The following TRDN variants were observed in gnomAD, a reference collection of about 807,000 sequenced individuals.
The protein encoded by TRDN is triadin in skeletal muscle.
TRDN carries 161 observed loss-of-function variants against 149.7 expected under a neutral mutation model. The observed-to-expected ratio is 1.08, with a 90% CI of 0.95 to 1.23. TRDN has a LOEUF of 1.23. Among genes scored for constraint, TRDN ranks in the 50% most tolerant of loss-of-function variants. The pLI, the probability that TRDN is intolerant of heterozygous loss-of-function variation, is 0.00. For missense variants in TRDN, 896 were observed against 823.5 expected (o/e 1.09, Z -1.08); for synonymous variants, 294 against 250.5 (o/e 1.17, Z -1.64).
intron 12 of TRDN, among the ~76,000 whole-genome samples, chr6:123,402,808 G>A (rs966423241): frequency 2.6e-5 from 4 of 152,122 alleles, no homozygotes; most frequent in African/African-American, 9.7e-5. Context: ...ATATTTAAAA[G>A]AAGAATCTAA....
intron 12 of TRDN, among the ~76,000 whole-genome samples, chr6:123,430,205 G>A (rs1774275116): frequency 6.6e-6 from 1 of 151,796 alleles, no homozygotes; most frequent in South Asian, 2.1e-4. Flanking sequence ...AGGAGGTTGA[G>A]GCAGCAGTGA....
At chr6:123,426,280 G>A (rs1329952518) in intron 12 of TRDN, among the ~76,000 whole-genome samples, 1 of 152,134 alleles carries the variant, frequency 6.6e-6, no homozygotes, top group African/African-American at 2.4e-5. Flanking sequence ...GGGTAAAAAG[G>A]TAAAGGAGTT....
chr6:123,626,086 A>G (rs990761161), intron 1 of TRDN, among the ~76,000 whole-genome samples: 1 of 152,190 alleles, frequency 6.6e-6, no homozygotes, highest in African/African-American at 2.4e-5. Context: ...TCTATGTTAT[A>G]TTCTAAATCC....
intron 6 of TRDN, among the ~76,000 whole-genome samples, chr6:123,514,731 T>C (rs9490794): frequency 0.83 from 126,380 of 151,998 alleles, 52,755 homozygotes; most frequent in East Asian, 0.88. Flanking sequence ...CTAAAAACCA[T>C]ATTTGAATCT....
intron 11 of TRDN, 39 bp from the exon 12 acceptor site, chr6:123,438,161 T>G: frequency 6.8e-7 from 1 of 1,464,868 alleles, no homozygotes; most frequent in Non-Finnish European, 9.2e-7. Flanking sequence ...CTTTACCTGT[T>G]TAACTTGCAA....
chr6:123,395,959 C>T (rs1772708701), intron 12 of TRDN, among the ~76,000 whole-genome samples: 1 of 152,178 alleles, frequency 6.6e-6, no homozygotes, highest in Non-Finnish European at 1.5e-5. Flanking sequence ...AACCAAATGC[C>T]TTTTCAGTAA....
intron 10 of TRDN, among the ~76,000 whole-genome samples, chr6:123,441,625 A>G (rs1386920564): frequency 6.6e-6 from 1 of 152,204 alleles, no homozygotes; most frequent in East Asian, 1.9e-4. Flanking sequence ...ACATCAGATG[A>G]AAGAAAAATT....
intron 24 of TRDN, among the ~76,000 whole-genome samples, chr6:123,298,403 C>A (rs1298717723): frequency 2.6e-5 from 4 of 152,026 alleles, no homozygotes; most frequent in African/African-American, 9.7e-5. Context: ...ACTCAGCTCA[C>A]TCTTCATCTT....
At chr6:123,401,127 T>C (rs2114484725) in intron 12 of TRDN, among the ~76,000 whole-genome samples, 1 of 152,330 alleles carries the variant, frequency 6.6e-6, no homozygotes, top group East Asian at 1.9e-4. Context: ...CTCACAAAAT[T>C]ACGCAGACTT....
At chr6:123,253,564 C>T (rs1333103209) in intron 37 of TRDN, among the ~76,000 whole-genome samples, 1 of 151,974 alleles carries the variant, frequency 6.6e-6, no homozygotes, top group Non-Finnish European at 1.5e-5. Context: ...TTTAAAAATA[C>T]TAGCATTGGT....
intron 13 of TRDN, 99 bp from the exon 14 acceptor site, chr6:123,388,650 G>C (rs1781995140): frequency 7.4e-7 from 1 of 1,355,928 alleles, no homozygotes; most frequent in Non-Finnish European, 1.0e-6. Flanking sequence ...TAAATTCAGT[G>C]GTCACCTATA....
chr6:123,504,746 A>G (rs904819754), intron 7 of TRDN, among the ~76,000 whole-genome samples: 1 of 152,206 alleles, frequency 6.6e-6, no homozygotes, highest in Non-Finnish European at 1.5e-5. Flanking sequence ...TAGTCTGTGG[A>G]TCATTCAAGC....
chr6:123,523,467 A>G (rs192431584), intron 5 of TRDN, among the ~76,000 whole-genome samples: 91 of 152,264 alleles, frequency 6.0e-4, no homozygotes, highest in Admixed American at 2.7e-3. Flanking sequence ...CAGTGATCAT[A>G]TGCCAGGTTG....
chr6:123,381,500 C>G, intron 15 of TRDN, 110 bp from the exon 16 acceptor site: 1 of 1,010,122 alleles, frequency 9.9e-7, no homozygotes, highest in South Asian at 1.5e-5. Context: ...CCAATTTTCT[C>G]TCCTTAAATT....
In TRDN at chr6:123,438,139, A is replaced by C. The variant is rs189142809; in HGVS notation, c.992-17T>G. 5.4e-5 allele frequency: 84 copies of C among 1,563,842 alleles called. No homozygotes were observed. In the African/African-American group the frequency reaches 8.7e-4, roughly 16 times the overall value. On this transcript the variant is annotated splice_polypyrimidine_tract_variant and intron_variant, in intron 11 of 40. Transcript: ENST00000334268. ...CTTCTTTTTCTGCTGGTAAAATAAG[A>C]AAGTTATAAGCCTTTACCTGTTTAA...
At chr6:123,558,340 C>T (rs550662413) in intron 2 of TRDN, among the ~76,000 whole-genome samples, 9 of 152,092 alleles carry the variant, frequency 5.9e-5, no homozygotes, top group Non-Finnish European at 1.3e-4. Context: ...AGCCTCCACT[C>T]CCGCACCCTA....
At chr6:123,418,280 A>G (rs1773739442) in intron 12 of TRDN, among the ~76,000 whole-genome samples, 1 of 152,228 alleles carries the variant, frequency 6.6e-6, no homozygotes, top group East Asian at 1.9e-4. Flanking sequence ...TCACATCATC[A>G]AATACGTCTT....
chr6:123,471,211 T>C (rs930640636), intron 9 of TRDN: 1 of 152,120 alleles, frequency 6.6e-6, no homozygotes, highest in African/African-American at 2.4e-5. Context: ...GTGAGAAAAA[T>C]ACATCAAGGA....
At chr6:123,553,689 C>G (rs1781509175) in intron 2 of TRDN, among the ~76,000 whole-genome samples, 1 of 152,142 alleles carries the variant, frequency 6.6e-6, no homozygotes, top group Non-Finnish European at 1.5e-5. Context: ...GCATGTCTTA[C>G]ATGGTGGCCA....
Sources: allele counts gnomAD v4.1 joint callset (sites outside exome capture counted in the v4.1 genomes callset), GRCh38; gene constraint gnomAD v4.1.1; transcripts MANE v1.5; gene names NCBI Gene and HGNC (gene_info 2026-07-23, HGNC 2026-07-21).